INVS: variants seen among roughly 807,000 people sequenced by gnomAD.
The protein encoded by INVS is inversin.
Under a neutral mutation model 108.8 loss-of-function variants are expected in INVS, and 86 were observed. The ratio of observed to expected loss-of-function variants is 0.79; its 90% CI spans 0.66 to 0.95. The LOEUF (loss-of-function observed/expected upper bound fraction) is 0.95. Among genes scored for constraint, INVS ranks in the 40% least tolerant of loss-of-function variants. INVS has a pLI of 0.00. For synonymous variants in INVS, 455 were observed against 473.5 expected, an observed-to-expected ratio of 0.96 and a Z score of 0.51; for missense variants, 1,169 against 1,297.4, an observed-to-expected ratio of 0.90 and a Z score of 1.52.
intron 3 of INVS, chr9:100,131,784 A>AC (rs1828061676): frequency 2.9e-6 from 1 of 342,936 alleles, no homozygotes; most frequent in Admixed American, 6.5e-5. Context: ...AAATTAAAGA[A>AC]CCTTCTGGTT....
intron 3 of INVS, among the ~76,000 whole-genome samples, chr9:100,182,731 A>G (rs897002249): frequency 4.6e-5 from 7 of 152,130 alleles, no homozygotes. Flanking sequence ...CGATTCCTCA[A>G]GGATCTAGAA....
At chr9:100,149,864 T>C (rs935178009) in intron 3 of INVS, among the ~76,000 whole-genome samples, 1 of 152,182 alleles carries the variant, frequency 6.6e-6, no homozygotes, top group Non-Finnish European at 1.5e-5. Context: ...GTGTTTTCTG[T>C]ATACATAAAC....
intron 3 of INVS, among the ~76,000 whole-genome samples, chr9:100,161,348 A>G (rs1029330017): frequency 4.8e-5 from 6 of 126,268 alleles, no homozygotes; most frequent in African/African-American, 1.0e-4. Flanking sequence ...TGGACGACAG[A>G]GCAAGACTTC....
chr9:100,146,640 G>A (rs964027847), intron 3 of INVS, among the ~76,000 whole-genome samples: 4 of 152,096 alleles, frequency 2.6e-5, no homozygotes, highest in Non-Finnish European at 4.4e-5. Context: ...TATAAAACCA[G>A]TGACACTATA....
At chr9:100,282,593 C>T (rs1434864669) in intron 12 of INVS, among the ~76,000 whole-genome samples, 2 of 152,208 alleles carry the variant, frequency 1.3e-5, no homozygotes, top group African/African-American at 4.8e-5. Flanking sequence ...ATAAGCTTTG[C>T]TTCAAATGCC....
chr9:100,163,186 AT>A (rs556149756), intron 3 of INVS, among the ~76,000 whole-genome samples: 469 of 131,800 alleles, frequency 3.6e-3, no homozygotes, highest in South Asian at 5.0e-3. Context: ...TGTTCTTTCT[AT>A]TTTTTTTTTT....
intron 11 of INVS, among the ~76,000 whole-genome samples, chr9:100,269,744 G>A (rs941109810): frequency 3.9e-5 from 6 of 152,044 alleles, no homozygotes; most frequent in Non-Finnish European, 4.4e-5. Context: ...CCTTTTATGG[G>A]TTTGGCTGGT....
At chr9:100,209,916 C>G (rs1830786752) in intron 3 of INVS, among the ~76,000 whole-genome samples, 1 of 152,074 alleles carries the variant, frequency 6.6e-6, no homozygotes, top group Admixed American at 6.6e-5. Context: ...CAGTTCTACT[C>G]TATCCTCAGA....
intron 2 of INVS, among the ~76,000 whole-genome samples, chr9:100,111,768 G>C (rs1188086876): frequency 1.3e-5 from 2 of 150,902 alleles, no homozygotes; most frequent in Non-Finnish European, 3.0e-5. Flanking sequence ...AGTATTAGCT[G>C]AATGTTATAA....
At chr9:100,232,250 A>C (rs1831536522) in intron 5 of INVS, among the ~76,000 whole-genome samples, 1 of 151,852 alleles carries the variant, frequency 6.6e-6, no homozygotes, top group Non-Finnish European at 1.5e-5. Flanking sequence ...TCTGGATATT[A>C]GCCCTTTGTC....
In INVS at chr9:100,301,753, A is replaced by C. The variant is rs190567999; in HGVS notation, c.*1079A>C. 4.4e-3 allele frequency among the ~76,000 whole-genome samples: 508 copies of C among 114,782 alleles called. No individual in the cohort carries two copies. The highest frequency in any genetic ancestry group is 0.015 in the African/African-American group (480 of 31,024). 75.3% of individuals were successfully genotyped at this position (114,782 alleles called of 152,430 possible). A position where few individuals can be genotyped will look rare whatever the true frequency, so the allele number is the denominator to read the frequency against. ...GTGCCACTTCTGTGCTAACGGTAAG[A>C]GATAGACAGATAGGCAATGAAGTGT... On this transcript the variant is annotated 3_prime_UTR_variant, in exon 17 of 17. Transcript: ENST00000262457.
chr9:100,297,212 G>A, intron 15 of INVS, 66 bp downstream of exon 15: 1 of 1,248,266 alleles, frequency 8.0e-7, no homozygotes, highest in Non-Finnish European at 1.2e-6. Flanking sequence ...AGAATCTGAA[G>A]TAGAATTTAA....
intron 14 of INVS, among the ~76,000 whole-genome samples, chr9:100,294,112 G>C (rs994360673): frequency 6.6e-6 from 1 of 152,168 alleles, no homozygotes; most frequent in African/African-American, 2.4e-5. Flanking sequence ...AGGCCACAGT[G>C]AGCCATCACC....
At chr9:100,297,903 C>CAAAGA in intron 15 of INVS, 33 bp from the exon 16 acceptor site, 1 of 1,613,174 alleles carries the variant, frequency 6.2e-7, no homozygotes. Context: ...TATCCCTGGC[C>CAAAGA]AAAGAAAAGT....
At chr9:100,114,437 T>G (rs1257432471) in intron 2 of INVS, among the ~76,000 whole-genome samples, 1 of 148,330 alleles carries the variant, frequency 6.7e-6, no homozygotes, top group Non-Finnish European at 1.5e-5. Context: ...AGTCTCACTT[T>G]GTCTCCCAGG....
intron 8 of INVS, among the ~76,000 whole-genome samples, chr9:100,250,829 T>C (rs1418648212): frequency 6.6e-6 from 1 of 152,216 alleles, no homozygotes; most frequent in African/African-American, 2.4e-5. Context: ...CTCCACTATA[T>C]AAAGCCCTTC....
At chr9:100,186,601 T>G (rs1201302114) in intron 3 of INVS, among the ~76,000 whole-genome samples, 7 of 152,214 alleles carry the variant, frequency 4.6e-5, no homozygotes. Flanking sequence ...GGTTTTAATT[T>G]GCATTTCCTG....
In INVS at chr9:100,300,775, T is replaced by C. The variant is rs1833943608; in HGVS notation, c.*101T>C. The C allele has an allele frequency of 5.0e-6, 4 of 803,544 alleles. No homozygotes were observed. In the East Asian group the frequency reaches 1.0e-4, roughly 21 times the overall value. The allele number at this position is 803,544 out of a possible 1,614,324, so 49.8% of individuals were successfully genotyped here. The stretch of plus-strand genomic sequence containing the variant: ...TTTACACCTTGGGAAAACTTTAATA[T>C]CCGTACCTGAAGGCTGATTCACCTA... On this transcript the variant is annotated 3_prime_UTR_variant, in exon 17 of 17. Coordinates refer to ENST00000262457, the MANE Select transcript of INVS (RefSeq NM_014425.5).
chr9:100,290,550 C>G (rs1451799646), intron 13 of INVS, among the ~76,000 whole-genome samples: 2 of 151,976 alleles, frequency 1.3e-5, no homozygotes, highest in African/African-American at 4.8e-5. Flanking sequence ...CAGGGTTTCT[C>G]CACATCGGTC....
Sources: allele counts gnomAD v4.1 joint callset (sites outside exome capture counted in the v4.1 genomes callset), GRCh38; gene constraint gnomAD v4.1.1; transcripts MANE v1.5; gene names NCBI Gene and HGNC (gene_info 2026-07-23, HGNC 2026-07-21).